Variants in RGS6 observed in about 807,000 individuals in gnomAD.
RGS6 encodes regulator of G-protein signaling 6.
In RGS6, 30 loss-of-function variants were observed where a neutral mutation model predicts 78.5. The ratio of observed to expected loss-of-function variants is 0.38; its 90% CI spans 0.29 to 0.52. RGS6 has a LOEUF of 0.52. Ranked by LOEUF, RGS6 falls within the 20% of genes least tolerant of loss-of-function variation. The pLI, the probability that RGS6 is intolerant of heterozygous loss-of-function variation, is 0.85. For missense variants in RGS6, 495 were observed against 609.7 expected (o/e 0.81, Z 1.98); for synonymous variants, 206 against 206.0 (o/e 1.00, Z 0.00).
intron 8 of RGS6, among the ~76,000 whole-genome samples, chr14:72,472,112 G>A (rs1047135968): frequency 1.3e-5 from 2 of 150,990 alleles, no homozygotes; most frequent in African/African-American, 4.9e-5. Flanking sequence ...GGAGTTACAC[G>A]GCAATTAATC....
chr14:72,401,386 G>A (rs2092381525), intron 3 of RGS6, among the ~76,000 whole-genome samples: 1 of 151,868 alleles, frequency 6.6e-6, no homozygotes, highest in Non-Finnish European at 1.5e-5. Context: ...AGTTAGCTGG[G>A]TGAGTGGTTC....
At chr14:71,932,163 G>A (rs567294337), upstream of RGS6, among the ~76,000 whole-genome samples, 8 of 152,362 alleles carry the variant, frequency 5.3e-5, no homozygotes, top group East Asian at 1.5e-3. Flanking sequence ...GCTTCTTGAG[G>A]ATGAGGCATT....
intron 2 of RGS6, among the ~76,000 whole-genome samples, chr14:72,151,696 C>G (rs1176454639): frequency 6.6e-6 from 1 of 152,096 alleles, no homozygotes; most frequent in Non-Finnish European, 1.5e-5. Context: ...TCAGGCCATA[C>G]TTGGCATACA....
At chr14:72,435,759 G>A (rs749622735) in intron 3 of RGS6, among the ~76,000 whole-genome samples, 83 of 76,350 alleles carry the variant, frequency 1.1e-3, no homozygotes, top group South Asian at 2.6e-3. Flanking sequence ...CTCCCACCCC[G>A]CCCCCGCCCC....
intron 3 of RGS6, among the ~76,000 whole-genome samples, chr14:72,412,169 A>G (rs2093467835): frequency 6.6e-6 from 1 of 152,226 alleles, no homozygotes; most frequent in Non-Finnish European, 1.5e-5. Context: ...TACCTCTGGT[A>G]GAATTCGGCT....
intron 2 of RGS6, among the ~76,000 whole-genome samples, chr14:71,978,856 A>T (rs2153107758): frequency 6.7e-6 from 1 of 150,372 alleles, no homozygotes; most frequent in African/African-American, 2.4e-5. Flanking sequence ...TCCTCCTTGT[A>T]CCTCTGGTAG....
intron 2 of RGS6, among the ~76,000 whole-genome samples, chr14:72,281,079 A>G (rs567131405): frequency 6.6e-6 from 1 of 151,624 alleles, no homozygotes; most frequent in Non-Finnish European, 1.5e-5. Context: ...AGAGATAGTT[A>G]TGCTGTATTA....
chr14:72,380,793 A>C (rs2085877142), intron 3 of RGS6, among the ~76,000 whole-genome samples: 1 of 152,148 alleles, frequency 6.6e-6, no homozygotes, highest in South Asian at 2.1e-4. Context: ...TAGAACTACT[A>C]TAGCATCCAG....
At chr14:72,497,666 T>C (rs1566985299) in intron 13 of RGS6, among the ~76,000 whole-genome samples, 1 of 152,176 alleles carries the variant, frequency 6.6e-6, no homozygotes, top group Non-Finnish European at 1.5e-5. Context: ...CCCAGAGGTA[T>C]GTTAACTTGA....
chr14:72,483,089 G>A (rs553528478), intron 12 of RGS6, among the ~76,000 whole-genome samples: 8 of 152,168 alleles, frequency 5.3e-5, no homozygotes, highest in East Asian at 3.8e-4. Context: ...CTCTGCAAGC[G>A]TCCCCAAGGG....
intron 2 of RGS6, among the ~76,000 whole-genome samples, chr14:71,995,641 A>G (rs1422040954): frequency 1.3e-5 from 2 of 152,220 alleles, no homozygotes; most frequent in Admixed American, 1.3e-4. Context: ...TTTAATGCGC[A>G]TCAGGAGATT....
intron 2 of RGS6, among the ~76,000 whole-genome samples, chr14:71,979,899 T>A (rs1343756856): frequency 6.9e-6 from 1 of 144,960 alleles, no homozygotes; most frequent in Admixed American, 7.0e-5. Flanking sequence ...GGAGTCTAAG[T>A]CTCTTTGTAG....
At chr14:72,257,389 T>G (rs2057294541) in intron 2 of RGS6, among the ~76,000 whole-genome samples, 1 of 152,214 alleles carries the variant, frequency 6.6e-6, no homozygotes, top group Non-Finnish European at 1.5e-5. Context: ...ATGTTAATTT[T>G]GTATCCTGAA....
intron 2 of RGS6, among the ~76,000 whole-genome samples, chr14:72,345,689 C>G (rs1183214595): frequency 6.6e-6 from 1 of 152,124 alleles, no homozygotes; most frequent in Non-Finnish European, 1.5e-5. Context: ...ATGTATTAGT[C>G]CATGAGGAAG....
intron 2 of RGS6, among the ~76,000 whole-genome samples, chr14:72,336,048 C>G (rs1396027083): frequency 1.3e-5 from 2 of 152,184 alleles, no homozygotes; most frequent in East Asian, 3.9e-4. Context: ...GTTAATGCAT[C>G]CTGAGATCAA....
chr14:72,356,259 A>G (rs1430389742), intron 3 of RGS6, among the ~76,000 whole-genome samples: 1 of 151,998 alleles, frequency 6.6e-6, no homozygotes, highest in African/African-American at 2.4e-5. Flanking sequence ...TGTTCTCATA[A>G]TAGCGAGTGA....
intron 2 of RGS6, among the ~76,000 whole-genome samples, chr14:72,248,076 T>G (rs2153834990): frequency 6.6e-6 from 1 of 152,354 alleles, no homozygotes; most frequent in South Asian, 2.1e-4. Context: ...GTTCCCTATC[T>G]TAAGCCAACA....
At chr14:72,012,309 C>G (rs1049945997) in intron 2 of RGS6, among the ~76,000 whole-genome samples, 8 of 152,098 alleles carry the variant, frequency 5.3e-5, no homozygotes, top group African/African-American at 9.7e-5. Context: ...AGCTAGTTTT[C>G]TATACACATA....
chr14:72,240,671 A>G (rs964378712), intron 2 of RGS6, among the ~76,000 whole-genome samples: 3 of 152,334 alleles, frequency 2.0e-5, no homozygotes, highest in South Asian at 2.1e-4. Flanking sequence ...CCTTCTCAAT[A>G]TAAGAAGAGT....
Sources: allele counts gnomAD v4.1 joint callset (sites outside exome capture counted in the v4.1 genomes callset), GRCh38; gene constraint gnomAD v4.1.1; transcripts MANE v1.5; gene names NCBI Gene and HGNC (gene_info 2026-07-23, HGNC 2026-07-21).